Variants in GRAP2 observed in about 807,000 individuals in gnomAD.
The protein encoded by GRAP2 is GRB2-related adapter protein 2.
GRAP2 carries 31 observed loss-of-function variants against 43.5 expected under a neutral mutation model. That is an observed-to-expected ratio of 0.71 (90% CI 0.54 to 0.96). The LOEUF (loss-of-function observed/expected upper bound fraction) is 0.96. GRAP2 is among the 40% of genes least tolerant of loss of function. The pLI, the probability that GRAP2 is intolerant of heterozygous loss-of-function variation, is 0.00. For missense variants in GRAP2, 371 were observed against 424.4 expected (o/e 0.87, Z 1.11); for synonymous variants, 156 against 164.8 (o/e 0.95, Z 0.41).
chr22:39,955,773 G>T (rs1448090573), intron 2 of GRAP2, 46 bp from the exon 3 acceptor site: 2 of 928,822 alleles, frequency 2.2e-6, no homozygotes, highest in Non-Finnish European at 3.5e-6. Flanking sequence ...TTGTTTTTTT[G>T]GTGTCCTCCC....
intron 1 of GRAP2, 45 bp from the exon 2 acceptor site, chr22:39,947,048 T>C: frequency 8.3e-6 from 9 of 1,088,592 alleles, no homozygotes; most frequent in Non-Finnish European, 1.3e-5. Context: ...TCTGCTGCCC[T>C]CCCCCTGGCA....
intron 1 of GRAP2, among the ~76,000 whole-genome samples, chr22:39,914,394 G>A (rs79237994): frequency 6.6e-6 from 1 of 152,162 alleles, no homozygotes; most frequent in Non-Finnish European, 1.5e-5. Context: ...CCATCAAATG[G>A]GATAGCTCTA....
chr22:39,958,187 C>T (rs568071348), intron 3 of GRAP2, among the ~76,000 whole-genome samples: 25 of 152,234 alleles, frequency 1.6e-4, no homozygotes, highest in African/African-American at 4.3e-4. Flanking sequence ...GTCCTTCCTC[C>T]GGTTGTCCTC....
intron 1 of GRAP2, among the ~76,000 whole-genome samples, chr22:39,941,868 T>A (rs1183866539): frequency 6.6e-6 from 1 of 152,104 alleles, no homozygotes; most frequent in Non-Finnish European, 1.5e-5. Context: ...AGGTGTTTTT[T>A]TTTTTTGTCT....
At chr22:39,918,804 C>T (rs943240271) in intron 1 of GRAP2, among the ~76,000 whole-genome samples, 9 of 152,146 alleles carry the variant, frequency 5.9e-5, no homozygotes, top group African/African-American at 1.9e-4. Flanking sequence ...ACTCAATTAA[C>T]AAAACGTTGT....
At chr22:39,963,253 C>T (rs1473256120) in intron 4 of GRAP2, among the ~76,000 whole-genome samples, 1 of 152,314 alleles carries the variant, frequency 6.6e-6, no homozygotes, top group East Asian at 1.9e-4. Flanking sequence ...ATTTTGGAGT[C>T]CAGCGCCCTG....
At chr22:39,953,421 A>AG (rs1785108079) in intron 2 of GRAP2, among the ~76,000 whole-genome samples, 1 of 152,142 alleles carries the variant, frequency 6.6e-6, no homozygotes, top group African/African-American at 2.4e-5. Context: ...TTAGCTTCCA[A>AG]GATTGGTCAA....
intron 4 of GRAP2, among the ~76,000 whole-genome samples, chr22:39,962,327 T>C (rs1313155477): frequency 6.6e-6 from 1 of 151,954 alleles, no homozygotes; most frequent in African/African-American, 2.4e-5. Flanking sequence ...GAGGCTGAAG[T>C]TAAAGGATTG....
intron 4 of GRAP2, among the ~76,000 whole-genome samples, chr22:39,965,424 ATTTCACCAAAAGCTGAAAAC>A (rs1037512811): frequency 3.3e-4 from 51 of 152,354 alleles, no homozygotes; most frequent in African/African-American, 1.2e-3. Flanking sequence ...ATACAAAGCT[ATTTCACCAAAAGCTGAAAAC>A]ACTTTGTAAC....
At chr22:39,959,026 G>GC (rs1441732818) in intron 3 of GRAP2, among the ~76,000 whole-genome samples, 1 of 152,230 alleles carries the variant, frequency 6.6e-6, no homozygotes, top group Non-Finnish European at 1.5e-5. Context: ...GGAATCCAAA[G>GC]CCAAGGCCTG....
chr22:39,936,247 G>A (rs530592735), intron 1 of GRAP2, among the ~76,000 whole-genome samples: 2 of 152,146 alleles, frequency 1.3e-5, no homozygotes, highest in Non-Finnish European at 2.9e-5. Flanking sequence ...GATGATTTCT[G>A]ATTCAGGGGT....
rs930905386 is a variant in GRAP2, at chr22:39,901,294, A to T, written c.-51A>T. 1 of 1,280,192 alleles carries T rather than the reference A, an allele frequency of 7.8e-7. No individual in the cohort carries two copies. The highest frequency in any genetic ancestry group is 1.5e-5 in the African/African-American group (1 of 65,688). 79.3% of individuals were successfully genotyped at this position (1,280,192 alleles called of 1,614,324 possible). ...AAGGATTCTAATAACTCGGTGTCAA[A>T]GCCAAGACATAAACTCAACCCCTTC... On this transcript the variant is annotated 5_prime_UTR_variant, in exon 1 of 8. In the 5' UTR this introduces an upstream ATG that the reference lacks. Transcript: ENST00000344138.
intron 1 of GRAP2, among the ~76,000 whole-genome samples, chr22:39,911,003 G>A (rs2066559855): frequency 6.6e-6 from 1 of 152,100 alleles, no homozygotes; most frequent in South Asian, 2.1e-4. Flanking sequence ...AGACAAACTA[G>A]TGGGCCTCAA....
intron 1 of GRAP2, among the ~76,000 whole-genome samples, chr22:39,940,588 G>A (rs956099855): frequency 1.4e-4 from 21 of 151,944 alleles, no homozygotes; most frequent in Admixed American, 1.2e-3. Context: ...ATAAACTAAG[G>A]CAGAAAGGCC....
chr22:39,900,651 G>A (rs2066487246), upstream of GRAP2, among the ~76,000 whole-genome samples: 1 of 152,134 alleles, frequency 6.6e-6, no homozygotes, highest in Non-Finnish European at 1.5e-5. Context: ...GCAAACCTGG[G>A]GTGAGAATGC....
chr22:39,918,147 G>C (rs1341930419), intron 1 of GRAP2, among the ~76,000 whole-genome samples: 3 of 152,136 alleles, frequency 2.0e-5, no homozygotes, highest in Non-Finnish European at 4.4e-5. Context: ...ATAACTCACG[G>C]GTTTTTCACG....
rs146496517 is a variant in GRAP2 at position 39,946,700 on chromosome 22, G to A, written c.-14-393G>A. 6.5e-3 allele frequency: 1,193 copies of A among 184,688 alleles called. 22 individuals are homozygous for A. The highest frequency in any genetic ancestry group is 0.043 in the Admixed American group (766 of 17,916). 11.4% of individuals were successfully genotyped at this position (184,688 alleles called of 1,614,324 possible). On this transcript the variant is annotated intron_variant, in intron 1 of 7. Transcript: ENST00000344138. ...TATAGCTGCCAAGGGACAGCCTTGG[G>A]ACAGTGTTTACAGAATAGTCTTTCC...
At chr22:39,912,159 G>A (rs1364237554) in intron 1 of GRAP2, among the ~76,000 whole-genome samples, 4 of 152,192 alleles carry the variant, frequency 2.6e-5, no homozygotes, top group South Asian at 2.1e-4. Context: ...GGTGGCTCAC[G>A]CCTGTAATCC....
At chr22:39,916,907 A>G (rs1009000477) in intron 1 of GRAP2, among the ~76,000 whole-genome samples, 7 of 152,244 alleles carry the variant, frequency 4.6e-5, no homozygotes, top group African/African-American at 1.7e-4. Flanking sequence ...ACTATTAGCC[A>G]TGTAACTATT....
Sources: allele counts gnomAD v4.1 joint callset (sites outside exome capture counted in the v4.1 genomes callset), GRCh38; gene constraint gnomAD v4.1.1; transcripts MANE v1.5; gene names NCBI Gene and HGNC (gene_info 2026-07-23, HGNC 2026-07-21).